The following NXPE4 variants were observed in gnomAD, a reference collection of about 807,000 sequenced individuals.
NXPE4 encodes the protein neurexophilin and PC-esterase domain family member 4.
NXPE4 carries 42 observed loss-of-function variants against 33.3 expected under a neutral mutation model. That is an observed-to-expected ratio of 1.26 (90% CI 0.98 to 1.63). The LOEUF (loss-of-function observed/expected upper bound fraction) is 1.63. Ranked by LOEUF, NXPE4 falls within the 40% of genes most tolerant of loss-of-function variation. The pLI is 0.00. For synonymous variants in NXPE4, 253 were observed against 234.9 expected, an observed-to-expected ratio of 1.08 and a Z score of -0.71; for missense variants, 709 against 647.6, an observed-to-expected ratio of 1.09 and a Z score of -1.03.
chr11:114,600,030 G>T (rs1334382014), upstream of NXPE4, among the ~76,000 whole-genome samples: 3 of 151,976 alleles, frequency 2.0e-5, no homozygotes, highest in African/African-American at 7.2e-5. Flanking sequence ...AACAAATATG[G>T]CAAAAGTGAA....
the NXPE4 span, among the ~76,000 whole-genome samples, chr11:114,642,409 G>A: frequency 2.0e-5 from 3 of 151,908 alleles, no homozygotes; most frequent in Non-Finnish European, 4.4e-5. Context: ...TTCTCCTAAT[G>A]CTATCCCTCC....
At chr11:114,633,307 A>G in the NXPE4 span, among the ~76,000 whole-genome samples, 1 of 139,814 alleles carries the variant, frequency 7.2e-6, no homozygotes, top group African/African-American at 2.6e-5. Flanking sequence ...ATGTAATAAA[A>G]TATATAATTA....
chr11:114,632,058 G>A, the NXPE4 span, among the ~76,000 whole-genome samples: 1 of 139,078 alleles, frequency 7.2e-6, no homozygotes, highest in African/African-American at 2.7e-5. Context: ...TTAATAATAT[G>A]TAAGAATTGT....
the NXPE4 span, among the ~76,000 whole-genome samples, chr11:114,629,042 T>C: frequency 1.7e-4 from 26 of 151,188 alleles, no homozygotes; most frequent in East Asian, 3.9e-4. Flanking sequence ...AGCTTACCAA[T>C]GAAAAAGAGT....
At chr11:114,667,913 G>A in the NXPE4 span, among the ~76,000 whole-genome samples, 1 of 151,982 alleles carries the variant, frequency 6.6e-6, no homozygotes, top group African/African-American at 2.4e-5. Flanking sequence ...AATGTTTATT[G>A]TTTTAAATTA....
intron 2 of NXPE4, among the ~76,000 whole-genome samples, chr11:114,586,302 C>A (rs112380454): frequency 5.6e-4 from 86 of 152,300 alleles, no homozygotes; most frequent in African/African-American, 2.0e-3. Flanking sequence ...AGACAATGAA[C>A]CTCGGGTATT....
upstream of NXPE4, among the ~76,000 whole-genome samples, chr11:114,597,862 ACTCACATTTCAAAATACAATCATTGTT>A (rs1237106076): frequency 1.4e-4 from 21 of 152,192 alleles, no homozygotes; most frequent in South Asian, 4.0e-3. Flanking sequence ...ATTAATCTAC[ACTCACATTTCAAAATACAATCATTGTT>A]CTCACATTTC....
At chr11:114,671,775 T>C in the NXPE4 span, among the ~76,000 whole-genome samples, 1 of 152,024 alleles carries the variant, frequency 6.6e-6, no homozygotes, top group Non-Finnish European at 1.5e-5. Context: ...AACAGATCTG[T>C]TTTACAAGAA....
At chr11:114,596,757 A>G (rs1169020985), upstream of NXPE4, among the ~76,000 whole-genome samples, 1 of 152,226 alleles carries the variant, frequency 6.6e-6, no homozygotes, top group African/African-American at 2.4e-5. Context: ...GATGCCAGCA[A>G]CCACCCAAGT....
chr11:114,626,368 C>T, the NXPE4 span, among the ~76,000 whole-genome samples: 2 of 152,202 alleles, frequency 1.3e-5, no homozygotes, highest in African/African-American at 4.8e-5. Flanking sequence ...GTCCCTGACC[C>T]CTGACCCCCG....
chr11:114,629,094 C>T, the NXPE4 span, among the ~76,000 whole-genome samples: 1 of 152,016 alleles, frequency 6.6e-6, no homozygotes, highest in African/African-American at 2.4e-5. Context: ...ACCAGAGGTA[C>T]AAGGAGGAAC....
the NXPE4 span, among the ~76,000 whole-genome samples, chr11:114,674,603 GACA>G: frequency 4.0e-5 from 6 of 150,490 alleles, no homozygotes; most frequent in African/African-American, 7.3e-5. Flanking sequence ...CACAAAAGAA[GACA>G]ACAAGAGAGA....
At chr11:114,637,531 G>A in the NXPE4 span, among the ~76,000 whole-genome samples, 32 of 150,716 alleles carry the variant, frequency 2.1e-4, no homozygotes, top group African/African-American at 7.3e-4. Context: ...TATTTTGCTC[G>A]TTAGTTGATA....
rs1287081568 is a variant in NXPE4, at chr11:114,582,707, G to A, written c.411C>T (p.Phe137=). ...LGRRKQYGGD[F]LRARMSSPAL... is the part of the protein sequence containing the mutation. ...CTGGGGAAGACATCCTGGCCCTCAG[G>A]AAATCCCCGCCATATTGCTTCCTGC... is the stretch of plus-strand genomic sequence containing the variant. Residue 137 remains phenylalanine, a synonymous_variant, in exon 3 of 6, where the codon TTC becomes TTT. Coordinates refer to ENST00000375478, the MANE Select transcript of NXPE4 (RefSeq NM_001077639.2). 4.3e-6 allele frequency: 7 copies of A among 1,613,900 alleles called. No individual in the cohort carries two copies. The highest frequency in any genetic ancestry group is 1.3e-5 in the African/African-American group (1 of 74,894).
chr11:114,633,877 G>C, the NXPE4 span, among the ~76,000 whole-genome samples: 1 of 151,786 alleles, frequency 6.6e-6, no homozygotes, highest in African/African-American at 2.4e-5. Flanking sequence ...TTGGATATTG[G>C]GGTTGGTTCC....
At chr11:114,617,867 T>C in the NXPE4 span, among the ~76,000 whole-genome samples, 6 of 152,092 alleles carry the variant, frequency 3.9e-5, no homozygotes, top group African/African-American at 1.4e-4. Flanking sequence ...TATTGCCTCA[T>C]GGGTAACCAC....
the NXPE4 span, among the ~76,000 whole-genome samples, chr11:114,677,273 G>A: frequency 2.0e-5 from 3 of 151,984 alleles, no homozygotes; most frequent in Non-Finnish European, 4.4e-5. Flanking sequence ...GATCTTAAGC[G>A]TTCTCACCAC....
At chr11:114,667,427 C>T in the NXPE4 span, among the ~76,000 whole-genome samples, 11 of 152,048 alleles carry the variant, frequency 7.2e-5, no homozygotes, top group South Asian at 6.2e-4. Context: ...TAATTAAACA[C>T]GCAACACCAA....
the NXPE4 span, among the ~76,000 whole-genome samples, chr11:114,673,137 G>A: frequency 6.7e-6 from 1 of 149,368 alleles, no homozygotes; most frequent in African/African-American, 2.4e-5. Context: ...ATGCTCTGTG[G>A]CTATATGGAA....
Sources: allele counts gnomAD v4.1 joint callset (sites outside exome capture counted in the v4.1 genomes callset), GRCh38; gene constraint gnomAD v4.1.1; transcripts MANE v1.5; gene names NCBI Gene and HGNC (gene_info 2026-07-23, HGNC 2026-07-21).